RNF216: variants seen among roughly 807,000 people sequenced by gnomAD.
The protein encoded by RNF216 is ring finger protein 216, also known as E3 ubiquitin-protein ligase RNF216.
Under a neutral mutation model 110.8 loss-of-function variants are expected in RNF216, and 72 were observed. That is an observed-to-expected ratio of 0.65 (90% CI 0.54 to 0.79). The LOEUF is 0.79. RNF216 is among the 30% of genes least tolerant of loss of function. RNF216 has a pLI of 0.00. For synonymous variants in RNF216, 495 were observed against 407.5 expected, an observed-to-expected ratio of 1.21 and a Z score of -2.59; for missense variants, 1,342 against 1,141.2, an observed-to-expected ratio of 1.18 and a Z score of -2.54.
intron 3 of RNF216, among the ~76,000 whole-genome samples, chr7:5,749,961 A>C (rs941057419): frequency 3.3e-5 from 5 of 152,114 alleles, no homozygotes; most frequent in Admixed American, 6.5e-5. Flanking sequence ...TTTTCTTTTA[A>C]GGTTATTATA....
chr7:5,740,783 A>G (rs549772899), intron 4 of RNF216, among the ~76,000 whole-genome samples, 190 bp downstream of exon 4: 1 of 152,224 alleles, frequency 6.6e-6, no homozygotes, highest in South Asian at 2.1e-4. Flanking sequence ...AAGGTTAAGT[A>G]TAGTAAAGGA....
intron 4 of RNF216, among the ~76,000 whole-genome samples, chr7:5,740,104 C>CTTTTTTTTTTTTTTTTTTTTTTT (rs71004698): frequency 4.2e-5 from 5 of 118,500 alleles, no homozygotes; most frequent in Non-Finnish European, 8.7e-5. Context: ...GATGTAACAC[C>CTTTTTTTTTTTTTTTTTTTTTTT]TTTTTTTTTT....
chr7:5,769,526 C>T (rs1796383899), intron 1 of RNF216, among the ~76,000 whole-genome samples: 1 of 151,642 alleles, frequency 6.6e-6, no homozygotes, highest in Non-Finnish European at 1.5e-5. Flanking sequence ...AGTTCAAGAC[C>T]AGCCTGGGCA....
At chr7:5,774,184 T>C (rs1796650613) in intron 1 of RNF216, among the ~76,000 whole-genome samples, 2 of 1,512 alleles carry the variant, frequency 1.3e-3, no homozygotes, top group South Asian at 0.33. Context: ...TGTTTAAATC[T>C]TGGTTTCCCA....
intron 5 of RNF216, among the ~76,000 whole-genome samples, chr7:5,732,140 G>A (rs1173436975): frequency 6.6e-6 from 1 of 152,206 alleles, no homozygotes. Context: ...AGGGCGACAA[G>A]AATTCAGAGT....
At chr7:5,672,527 G>C (rs1429489058) in intron 13 of RNF216, among the ~76,000 whole-genome samples, 1 of 152,204 alleles carries the variant, frequency 6.6e-6, no homozygotes, top group Non-Finnish European at 1.5e-5. Flanking sequence ...TTCAACAGGA[G>C]ATGGACTTTG....
chr7:5,729,776 T>C (rs1793979278), intron 6 of RNF216, among the ~76,000 whole-genome samples, 180 bp from the exon 7 acceptor site: 1 of 152,216 alleles, frequency 6.6e-6, no homozygotes, highest in African/African-American at 2.4e-5. Context: ...TAAACAAACC[T>C]GTCTGGAGCC....
At position 5,622,367 on chromosome 7, in the gene RNF216, C is replaced by T. The variant is rs1786422422; in HGVS notation, c.*493G>A. 6.4e-6 allele frequency: 1 copy of T among 156,458 alleles called. No individual in the cohort carries two copies. The highest frequency in any genetic ancestry group is 2.4e-5 in the African/African-American group (1 of 41,598). The allele number at this position is 156,458 out of a possible 1,614,324, so 9.7% of individuals were successfully genotyped here. On this transcript the variant is annotated 3_prime_UTR_variant, in exon 17 of 17. Transcript: ENST00000389902. ...GATGGGGGGACAGCATCTTGGCCCT[C>T]ACAGCTGTGGCAGTGCCTCTGCGGG...
At chr7:5,666,877 G>GGT (rs1189287187) in intron 13 of RNF216, among the ~76,000 whole-genome samples, 1 of 149,004 alleles carries the variant, frequency 6.7e-6, no homozygotes, top group African/African-American at 2.5e-5. Context: ...TGCAGTCAGT[G>GGT]GTGCCATCAT....
At chr7:5,678,858 A>G (rs1790476232) in intron 13 of RNF216, among the ~76,000 whole-genome samples, 1 of 152,218 alleles carries the variant, frequency 6.6e-6, no homozygotes. Flanking sequence ...TAAGAGGCAA[A>G]GGTCTGCAGA....
chr7:5,716,847 A>C (rs187640055), intron 9 of RNF216, 81 bp from the exon 10 acceptor site: 1 of 1,103,554 alleles, frequency 9.1e-7, no homozygotes, highest in East Asian at 2.4e-5. Flanking sequence ...TTCCATAAAC[A>C]TAACTCCAGT....
chr7:5,748,611 TAC>T (rs10588945), intron 3 of RNF216, among the ~76,000 whole-genome samples: 29,220 of 142,782 alleles, frequency 0.2, 2,933 homozygotes, highest in East Asian at 0.39. Context: ...TTTATATACA[TAC>T]ACACACACAC....
chr7:5,725,525 C>A, intron 7 of RNF216, 87 bp from the exon 8 acceptor site: 2 of 788,452 alleles, frequency 2.5e-6, no homozygotes, highest in African/African-American at 1.7e-5. Flanking sequence ...CATTTTAACA[C>A]AGTTTCAGCT....
At chr7:5,780,971 A>C (rs1353013905) in intron 1 of RNF216, among the ~76,000 whole-genome samples, 14 of 151,986 alleles carry the variant, frequency 9.2e-5, no homozygotes, top group African/African-American at 1.5e-4. Context: ...GCGCCCGGAC[A>C]CCCGAGCCGG....
chr7:5,647,971 G>A (rs747870714), intron 14 of RNF216, among the ~76,000 whole-genome samples: 2 of 152,042 alleles, frequency 1.3e-5, no homozygotes, highest in Non-Finnish European at 2.9e-5. Context: ...ACATTCATTT[G>A]CTTAGAAGTA....
intron 2 of RNF216, among the ~76,000 whole-genome samples, chr7:5,758,888 T>C (rs1315323242): frequency 3.3e-5 from 5 of 152,064 alleles, no homozygotes; most frequent in Non-Finnish European, 7.4e-5. Context: ...TATTTAGCAA[T>C]GTGAGAAGGA....
chr7:5,683,022 C>G (rs1192020654), intron 13 of RNF216, among the ~76,000 whole-genome samples: 1 of 152,168 alleles, frequency 6.6e-6, no homozygotes, highest in East Asian at 1.9e-4. Flanking sequence ...GGGTCACAAA[C>G]TCCTTAAGAA....
intron 13 of RNF216, among the ~76,000 whole-genome samples, chr7:5,702,090 A>G (rs1792005511): frequency 6.6e-6 from 1 of 152,176 alleles, no homozygotes; most frequent in Admixed American, 6.5e-5. Context: ...CTCGGAGCCC[A>G]CGCTGACTCT....
intron 3 of RNF216, among the ~76,000 whole-genome samples, chr7:5,746,878 C>G (rs1431869016): frequency 6.6e-6 from 1 of 152,148 alleles, no homozygotes; most frequent in Non-Finnish European, 1.5e-5. Flanking sequence ...AATCCTAAGA[C>G]TCCAAATTAC....
Sources: gnomAD v4.1 joint callset for allele counts (sites outside exome capture counted in the v4.1 genomes callset) on GRCh38, gnomAD v4.1.1 for gene constraint, MANE v1.5 for transcripts, NCBI Gene and HGNC (gene_info 2026-07-23, HGNC 2026-07-21) for gene names.